The following FARS2 variants were observed in gnomAD, a reference collection of about 807,000 sequenced individuals.
FARS2 encodes the protein phenylalanyl-tRNA synthetase 2, mitochondrial.
In FARS2, 40 loss-of-function variants were observed where a neutral mutation model predicts 46.4. The ratio of observed to expected loss-of-function variants is 0.86; its 90% CI spans 0.67 to 1.12. The LOEUF is 1.12. FARS2 is among the 50% of genes most tolerant of loss of function. FARS2 has a pLI of 0.00. For missense variants in FARS2, 513 were observed against 567.9 expected, an observed-to-expected ratio of 0.90 and a Z score of 0.98; for synonymous variants, 234 against 214.9, an observed-to-expected ratio of 1.09 and a Z score of -0.78.
intron 4 of FARS2, among the ~76,000 whole-genome samples, chr6:5,480,430 C>T (rs1336846579): frequency 6.6e-6 from 1 of 152,180 alleles, no homozygotes; most frequent in African/African-American, 2.4e-5. Flanking sequence ...GAACATGGCG[C>T]AGAACGCATC....
At chr6:5,309,122 ATGTG>A (rs1768921142) in intron 1 of FARS2, among the ~76,000 whole-genome samples, 1 of 152,176 alleles carries the variant, frequency 6.6e-6, no homozygotes, top group Non-Finnish European at 1.5e-5. Context: ...ATACCAGACA[ATGTG>A]CTGTGTACAA....
chr6:5,414,163 T>G (rs746456246), intron 3 of FARS2, among the ~76,000 whole-genome samples: 1 of 152,224 alleles, frequency 6.6e-6, no homozygotes, highest in Non-Finnish European at 1.5e-5. Flanking sequence ...TCTAATGGTT[T>G]CTGTTGAGGT....
chr6:5,459,408 G>A (rs531616327), intron 4 of FARS2, among the ~76,000 whole-genome samples: 1 of 151,852 alleles, frequency 6.6e-6, no homozygotes, highest in African/African-American at 2.4e-5. Context: ...ATACTGGGAT[G>A]TCTTTTCGAT....
intron 3 of FARS2, among the ~76,000 whole-genome samples, chr6:5,423,824 C>T (rs558930520): frequency 6.6e-6 from 1 of 152,248 alleles, no homozygotes; most frequent in East Asian, 1.9e-4. Flanking sequence ...ACAGTGGTGG[C>T]ATTGCCAGGT....
chr6:5,672,554 T>A (rs1204318681), intron 6 of FARS2, among the ~76,000 whole-genome samples: 1 of 152,208 alleles, frequency 6.6e-6, no homozygotes, highest in Non-Finnish European at 1.5e-5. Context: ...CAGGGGCAGG[T>A]TAACTTTTCC....
intron 5 of FARS2, among the ~76,000 whole-genome samples, chr6:5,588,644 C>T (rs1266465780): frequency 6.6e-6 from 1 of 152,206 alleles, no homozygotes; most frequent in Non-Finnish European, 1.5e-5. Flanking sequence ...CCAATGGGTT[C>T]CACTGGTTCT....
At chr6:5,627,548 T>G (rs1258067940) in intron 6 of FARS2, among the ~76,000 whole-genome samples, 1 of 152,246 alleles carries the variant, frequency 6.6e-6, no homozygotes, top group Non-Finnish European at 1.5e-5. Context: ...TTTTTGAAAT[T>G]CTGCAGTGAT....
At chr6:5,609,453 C>A in intron 5 of FARS2, 1 of 1,216,296 alleles carries the variant, frequency 8.2e-7, no homozygotes, top group Non-Finnish European at 1.2e-6. Context: ...ATTACCAAAT[C>A]CATTATAGCC....
intron 6 of FARS2, among the ~76,000 whole-genome samples, chr6:5,718,675 T>G (rs1009331094): frequency 4.6e-5 from 7 of 152,118 alleles, no homozygotes; most frequent in Admixed American, 1.3e-4. Context: ...CCCTTTTCCC[T>G]CCCAATTTGC....
At chr6:5,384,955 A>C (rs1193712061) in intron 2 of FARS2, among the ~76,000 whole-genome samples, 1 of 152,210 alleles carries the variant, frequency 6.6e-6, no homozygotes, top group Non-Finnish European at 1.5e-5. Flanking sequence ...TGCTTTTTGC[A>C]GTATAGGGCT....
intron 1 of FARS2, among the ~76,000 whole-genome samples, chr6:5,304,827 C>T (rs889429636): frequency 6.6e-6 from 1 of 152,112 alleles, no homozygotes; most frequent in African/African-American, 2.4e-5. Flanking sequence ...ATAGGTGTTT[C>T]CTCTTTCCCT....
chr6:5,446,961 G>C (rs150091046), intron 4 of FARS2, among the ~76,000 whole-genome samples: 6 of 152,172 alleles, frequency 3.9e-5, no homozygotes, highest in African/African-American at 1.4e-4. Context: ...ATTACACCAT[G>C]AAACATGTTA....
chr6:5,763,767 G>GTT (rs1561843515), intron 6 of FARS2, among the ~76,000 whole-genome samples: 1 of 23,494 alleles, frequency 4.3e-5, no homozygotes, highest in Non-Finnish European at 1.7e-4. Context: ...CTTCCCTTTT[G>GTT]GTTTTTTTTT....
chr6:5,736,961 C>T (rs745812413), intron 6 of FARS2, among the ~76,000 whole-genome samples: 17 of 152,190 alleles, frequency 1.1e-4, no homozygotes, highest in Non-Finnish European at 1.3e-4. Flanking sequence ...CTCCCTTCCT[C>T]TCGCCCTCCA....
chr6:5,612,331 G>A (rs917776773), intron 5 of FARS2, among the ~76,000 whole-genome samples: 1 of 152,126 alleles, frequency 6.6e-6, no homozygotes, highest in Admixed American at 6.5e-5. Flanking sequence ...AAAGATGTTT[G>A]GATTTAGCAG....
At chr6:5,646,210 T>G (rs1232465372) in intron 6 of FARS2, among the ~76,000 whole-genome samples, 1 of 152,232 alleles carries the variant, frequency 6.6e-6, no homozygotes, top group Non-Finnish European at 1.5e-5. Context: ...ATTAAGACTT[T>G]AATGACATTG....
chr6:5,758,870 G>A (rs1343948602), intron 6 of FARS2, among the ~76,000 whole-genome samples: 2 of 152,086 alleles, frequency 1.3e-5, no homozygotes, highest in African/African-American at 2.4e-5. Context: ...TAGTATGTGG[G>A]GTCCTCTTGC....
At chr6:5,457,013 T>G (rs1328497118) in intron 4 of FARS2, 1 of 152,228 alleles carries the variant, frequency 6.6e-6, no homozygotes, top group African/African-American at 2.4e-5. Context: ...TCATTTCAAA[T>G]GCCCGTGATC....
At chr6:5,382,617 C>G (rs1223477621) in intron 2 of FARS2, among the ~76,000 whole-genome samples, 3 of 152,198 alleles carry the variant, frequency 2.0e-5, no homozygotes, top group African/African-American at 7.2e-5. Context: ...CTACAACCAA[C>G]TCAGGCTACC....
Sources: gnomAD v4.1 joint callset for allele counts (sites outside exome capture counted in the v4.1 genomes callset) on GRCh38, gnomAD v4.1.1 for gene constraint, MANE v1.5 for transcripts, NCBI Gene and HGNC (gene_info 2026-07-23, HGNC 2026-07-21) for gene names.